Variants in SIPA1L1 observed in about 807,000 individuals in gnomAD.
SIPA1L1 encodes signal-induced proliferation-associated 1-like protein 1.
Under a neutral mutation model 162.7 loss-of-function variants are expected in SIPA1L1, and 26 were observed. The observed-to-expected ratio is 0.16, with a 90% confidence interval of 0.12 to 0.22. The LOEUF is 0.22. Among genes scored for constraint, SIPA1L1 ranks in the 10% least tolerant of loss-of-function variants. The probability of loss-of-function intolerance (pLI) is 1.00; values close to 1 mark genes in which losing one functional copy is unlikely to be tolerated. For missense variants in SIPA1L1, 1,874 were observed against 2,241.0 expected (o/e 0.84, Z 3.31); for synonymous variants, 829 against 837.4 (o/e 0.99, Z 0.17).
chr14:71,731,490 C>T (rs1415377856), intron 20 of SIPA1L1, among the ~76,000 whole-genome samples: 1 of 152,244 alleles, frequency 6.6e-6, no homozygotes, highest in Non-Finnish European at 1.5e-5. Context: ...CCTCCTGCCC[C>T]TAACCTTTTT....
At chr14:71,450,035 T>C (rs2045696853) in intron 2 of SIPA1L1, among the ~76,000 whole-genome samples, 1 of 152,142 alleles carries the variant, frequency 6.6e-6, no homozygotes, top group Admixed American at 6.5e-5. Flanking sequence ...ATTTTAACAA[T>C]GCAAACAGTA....
chr14:71,462,831 A>T (rs1308755792), intron 2 of SIPA1L1, among the ~76,000 whole-genome samples: 1 of 152,232 alleles, frequency 6.6e-6, no homozygotes, highest in East Asian at 1.9e-4. Context: ...TGGAGAGTTG[A>T]TATACCTCTG....
chr14:71,385,832 C>T (rs1239974388), intron 2 of SIPA1L1, among the ~76,000 whole-genome samples: 1 of 151,884 alleles, frequency 6.6e-6, no homozygotes, highest in African/African-American at 2.4e-5. Context: ...GGATTACAGG[C>T]ATGTGCCACC....
chr14:71,521,943 T>G (rs1227091362), intron 3 of SIPA1L1, among the ~76,000 whole-genome samples: 2 of 152,220 alleles, frequency 1.3e-5, no homozygotes, highest in Non-Finnish European at 2.9e-5. Context: ...TGTCATCTTT[T>G]GTGTGGTATC....
At chr14:71,574,328 C>T (rs1169401324) in intron 4 of SIPA1L1, 1 of 152,864 alleles carries the variant, frequency 6.5e-6, no homozygotes, top group Non-Finnish European at 1.5e-5. Flanking sequence ...AAAGTTACCA[C>T]TTGGCTTCAC....
chr14:71,348,462 G>T (rs2036386837), intron 2 of SIPA1L1, among the ~76,000 whole-genome samples: 1 of 152,058 alleles, frequency 6.6e-6, no homozygotes, highest in Non-Finnish European at 1.5e-5. Context: ...GTTTTCCGTT[G>T]TATCAATATC....
At chr14:71,471,091 A>G (rs920481034) in intron 2 of SIPA1L1, among the ~76,000 whole-genome samples, 6 of 152,146 alleles carry the variant, frequency 3.9e-5, no homozygotes, top group Non-Finnish European at 8.8e-5. Context: ...TGATCCACCC[A>G]CCTGGGTCTC....
At position 71,733,662 on chromosome 14, in the gene SIPA1L1, G is replaced by A. The variant is rs757972636; in HGVS notation, c.4862-4G>A. 1.4e-5 allele frequency: 23 copies of A among 1,612,850 alleles called. No homozygotes were observed. In the Middle Eastern group the frequency reaches 8.2e-4, roughly 58 times the overall value. Reference sequence around the variant, plus strand: ...AGCATCTCATTCCTCCTCCCTTCCCGCAGGAGAGTTCTCAGCCTCGGACAG... The same window carrying A: ...AGCATCTCATTCCTCCTCCCTTCCCACAGGAGAGTTCTCAGCCTCGGACAG... On this transcript the variant is annotated splice_region_variant and splice_polypyrimidine_tract_variant and intron_variant, in intron 20 of 23. Coordinates refer to ENST00000381232, the MANE Select transcript of SIPA1L1 (RefSeq NM_001386936.1).
At chr14:71,497,937 A>G (rs971858630) in intron 2 of SIPA1L1, 2 of 152,232 alleles carry the variant, frequency 1.3e-5, no homozygotes, top group Non-Finnish European at 2.9e-5. Context: ...GAGTGACTGT[A>G]TCATTTTTCG....
intron 19 of SIPA1L1, among the ~76,000 whole-genome samples, chr14:71,728,580 T>C (rs2084448200): frequency 6.6e-6 from 1 of 152,250 alleles, no homozygotes; most frequent in Non-Finnish European, 1.5e-5. Flanking sequence ...CCCTGGCTTG[T>C]TGAGCGGAAG....
At chr14:71,662,246 A>G (rs369272248) in intron 10 of SIPA1L1, among the ~76,000 whole-genome samples, 1 of 152,220 alleles carries the variant, frequency 6.6e-6, no homozygotes, top group African/African-American at 2.4e-5. Flanking sequence ...TGTGAGATCC[A>G]CAATTGTATA....
chr14:71,723,345 T>C (rs1313219454), intron 17 of SIPA1L1, among the ~76,000 whole-genome samples: 1 of 152,166 alleles, frequency 6.6e-6, no homozygotes, highest in Non-Finnish European at 1.5e-5. Flanking sequence ...CTGCCAGACT[T>C]CCGTGACAAA....
At chr14:71,735,591 C>A in intron 22 of SIPA1L1, 200 bp downstream of exon 22, 2 of 497,248 alleles carry the variant, frequency 4.0e-6, no homozygotes, top group Non-Finnish European at 7.1e-6. Context: ...ATGACTTATA[C>A]GGCCATAATG....
chr14:71,617,537 C>A (rs924608248), intron 5 of SIPA1L1, among the ~76,000 whole-genome samples: 14 of 152,124 alleles, frequency 9.2e-5, no homozygotes, highest in African/African-American at 3.4e-4. Flanking sequence ...TTAGAGAGCC[C>A]TCAACATTTA....
At chr14:71,404,406 T>G (rs557588209) in intron 2 of SIPA1L1, among the ~76,000 whole-genome samples, 1 of 152,220 alleles carries the variant, frequency 6.6e-6, no homozygotes, top group South Asian at 2.1e-4. Context: ...TAGCTGGACT[T>G]GATGGCAGGC....
At position 71,387,800 on chromosome 14, in the gene SIPA1L1, T is replaced by C. The variant is rs145090498; in HGVS notation, c.-465+66619T>C. Among the ~76,000 whole-genome samples the C allele has an allele frequency of 1.2e-3, 180 of 152,358 alleles. 2 individuals are homozygous for C. The highest frequency in any genetic ancestry group is 3.9e-3 in the African/African-American group (162 of 41,576). Reference sequence around the variant, plus strand: ...TCGTAACCCTTCGTTGCTTAAATTATTGGATTTTGTGTCTTTCTTGTTTCT... The same window carrying C: ...TCGTAACCCTTCGTTGCTTAAATTACTGGATTTTGTGTCTTTCTTGTTTCT... On this transcript the variant is annotated intron_variant, in intron 2 of 23. Transcript: ENST00000381232.
intron 2 of SIPA1L1, among the ~76,000 whole-genome samples, chr14:71,432,120 G>A (rs1029835208): frequency 3.9e-5 from 6 of 151,922 alleles, no homozygotes; most frequent in Non-Finnish European, 8.8e-5. Flanking sequence ...TGTAGCCCAG[G>A]CTAGAGTACA....
chr14:71,706,231 A>G (rs1218749977), intron 16 of SIPA1L1, among the ~76,000 whole-genome samples: 2 of 152,122 alleles, frequency 1.3e-5, no homozygotes, highest in African/African-American at 4.8e-5. Flanking sequence ...TATGAGGAAA[A>G]TATTTACTGA....
At chr14:71,579,877 A>G (rs1175520105) in intron 4 of SIPA1L1, among the ~76,000 whole-genome samples, 1 of 152,194 alleles carries the variant, frequency 6.6e-6, no homozygotes, top group Non-Finnish European at 1.5e-5. Flanking sequence ...TAATAAAGCC[A>G]TTTGTGGTGT....
Sources: gnomAD v4.1 joint callset for allele counts (sites outside exome capture counted in the v4.1 genomes callset) on GRCh38, gnomAD v4.1.1 for gene constraint, MANE v1.5 for transcripts, NCBI Gene and HGNC (gene_info 2026-07-23, HGNC 2026-07-21) for gene names.